TNIK: variants seen among roughly 807,000 people sequenced by gnomAD.
TNIK encodes the protein TRAF2 and NCK-interacting protein kinase.
TNIK carries 49 observed loss-of-function variants against 191.3 expected under a neutral mutation model. The ratio of observed to expected loss-of-function variants is 0.26; its 90% CI spans 0.20 to 0.32. TNIK has a LOEUF of 0.32. Among genes scored for constraint, TNIK ranks in the 10% least tolerant of loss-of-function variants. TNIK has a pLI of 1.00. For synonymous variants in TNIK, 594 were observed against 600.9 expected, an observed-to-expected ratio of 0.99 and a Z score of 0.17; for missense variants, 1,155 against 1,702.3, an observed-to-expected ratio of 0.68 and a Z score of 5.66.
At chr3:171,143,792 G>T (rs957081867) in intron 12 of TNIK, among the ~76,000 whole-genome samples, 1 of 152,196 alleles carries the variant, frequency 6.6e-6, no homozygotes, top group East Asian at 1.9e-4. Context: ...AGAGGGGAGA[G>T]CCCTGCAGAG....
At chr3:171,397,453 T>C (rs1720399147) in intron 1 of TNIK, among the ~76,000 whole-genome samples, 1 of 152,182 alleles carries the variant, frequency 6.6e-6, no homozygotes, top group Non-Finnish European at 1.5e-5. Flanking sequence ...CAGAGAGATG[T>C]AGACTAGGAG....
intron 9 of TNIK, among the ~76,000 whole-genome samples, chr3:171,174,153 G>A (rs987533296): frequency 1.3e-5 from 2 of 152,128 alleles, no homozygotes; most frequent in Admixed American, 6.5e-5. Context: ...CCCTCTTTCT[G>A]TGCAGTGTGC....
intron 2 of TNIK, among the ~76,000 whole-genome samples, chr3:171,297,436 G>A (rs1038104370): frequency 1.3e-5 from 2 of 152,164 alleles, no homozygotes; most frequent in African/African-American, 4.8e-5. Context: ...GAAACTGCTG[G>A]TTTCCCTCAA....
At chr3:171,383,988 C>T (rs1718406770) in intron 1 of TNIK, among the ~76,000 whole-genome samples, 1 of 152,238 alleles carries the variant, frequency 6.6e-6, no homozygotes, top group South Asian at 2.1e-4. Context: ...TCTCCCCAGG[C>T]ATCAGCTACA....
intron 2 of TNIK, among the ~76,000 whole-genome samples, chr3:171,251,316 CT>C (rs1310952904): frequency 6.6e-6 from 1 of 152,172 alleles, no homozygotes; most frequent in Non-Finnish European, 1.5e-5. Flanking sequence ...CAAGAGTCCT[CT>C]GGTGTGTTCT....
At chr3:171,427,874 A>G (rs1724850368) in intron 1 of TNIK, among the ~76,000 whole-genome samples, 1 of 152,122 alleles carries the variant, frequency 6.6e-6, no homozygotes, top group Non-Finnish European at 1.5e-5. Context: ...ACATGTGAAC[A>G]AAGACCCAAA....
intron 2 of TNIK, among the ~76,000 whole-genome samples, chr3:171,268,427 A>G (rs1748662065): frequency 1.3e-5 from 2 of 152,010 alleles, no homozygotes; most frequent in African/African-American, 4.8e-5. Context: ...GTAATTTTCT[A>G]TCCATTGACC....
intron 5 of TNIK, among the ~76,000 whole-genome samples, chr3:171,193,878 G>A (rs899325059): frequency 1.3e-5 from 2 of 152,166 alleles, no homozygotes; most frequent in Non-Finnish European, 2.9e-5. Flanking sequence ...TCTTCTTCCT[G>A]AACTCAGCTC....
rs1730666280 is a variant in TNIK, at chr3:171,140,489, C to G, written c.1242G>C (p.Glu414Asp). The G allele has an allele frequency of 1.2e-6, 2 of 1,613,568 alleles. No individual in the cohort carries two copies. The highest frequency in any genetic ancestry group is 8.5e-7 in the Non-Finnish European group (1 of 1,179,790). ...GCTCCCTCTCCTGCTGCTTCCGCAG[C>G]TCCTTCTCTCGCCTTTGTTGCTGTG... ...RLEEQQRREK[E>D]LRKQQEREQR... Residue 414 changes from glutamate to aspartate, a missense_variant, in exon 13 of 33, where the codon GAG (glutamate) becomes GAC (aspartate). Transcript: ENST00000436636.
chr3:171,265,843 A>G (rs1748325886), intron 2 of TNIK, among the ~76,000 whole-genome samples: 1 of 148,436 alleles, frequency 6.7e-6, no homozygotes, highest in African/African-American at 2.4e-5. Context: ...TGCTTTAAAT[A>G]AGCATTATTT....
intron 1 of TNIK, among the ~76,000 whole-genome samples, chr3:171,376,749 TA>T (rs1577688798): frequency 1.3e-4 from 9 of 68,812 alleles, no homozygotes; most frequent in African/African-American, 3.5e-4. Flanking sequence ...AGATAGATGA[TA>T]GATAGATAGA....
At chr3:171,224,988 T>A (rs1383443546) in intron 3 of TNIK, among the ~76,000 whole-genome samples, 6 of 152,156 alleles carry the variant, frequency 3.9e-5, no homozygotes, top group Non-Finnish European at 7.4e-5. Flanking sequence ...TGATATAGAA[T>A]AAAAACAATA....
chr3:171,375,767 C>G (rs1717124624), intron 1 of TNIK, among the ~76,000 whole-genome samples: 1 of 152,166 alleles, frequency 6.6e-6, no homozygotes, highest in Non-Finnish European at 1.5e-5. Context: ...TCCTTCACAT[C>G]ATAAAAGATG....
chr3:171,203,241 A>G (rs1322275519), intron 4 of TNIK, among the ~76,000 whole-genome samples: 1 of 152,248 alleles, frequency 6.6e-6, no homozygotes, highest in African/African-American at 2.4e-5. Flanking sequence ...AAAATACTGC[A>G]GAATTAGGTT....
At chr3:171,157,824 G>T (rs1193906334) in intron 11 of TNIK, among the ~76,000 whole-genome samples, 160 bp from the exon 12 acceptor site, 1 of 152,132 alleles carries the variant, frequency 6.6e-6, no homozygotes, top group East Asian at 1.9e-4. Flanking sequence ...TCACCCCAAA[G>T]AAACAGCATC....
rs142423575 is a variant in TNIK at position 171,253,092 on chromosome 3, C to T, written c.124-24871G>A. Among the ~76,000 whole-genome samples, 429 of 150,786 alleles carry T rather than the reference C, an allele frequency of 2.8e-3. 4 individuals carry two copies. Among genetic ancestry groups the T allele is most frequent in the African/African-American group, 0.01 (411 of 41,090 alleles). The stretch of plus-strand genomic sequence containing the variant: ...GAGTTCGAGACCATCCTGGCCAACA[C>T]GGTGAAACCTCGTCTTTACTAAAGG... On this transcript the variant is annotated intron_variant, in intron 2 of 32. Transcript: ENST00000436636.
chr3:171,248,700 A>G lies in TNIK; in HGVS notation c.124-20479T>C, dbSNP rs7615447. ...AAAGCAAAACAGACCTGGGTCATAA[A>G]AAGTCCAGGTTGTGAATAATAAGAG... On this transcript the variant is annotated intron_variant, in intron 2 of 32. Transcript: ENST00000436636. 4.0e-3 allele frequency among the ~76,000 whole-genome samples: 604 copies of G among 152,342 alleles called. 6 individuals are homozygous for G. Among genetic ancestry groups the G allele is most frequent in the African/African-American group, 0.014 (586 of 41,570 alleles).
At chr3:171,104,264 A>AAGTT (rs1299807441) in intron 21 of TNIK, among the ~76,000 whole-genome samples, 3 of 152,082 alleles carry the variant, frequency 2.0e-5, no homozygotes, top group Non-Finnish European at 4.4e-5. Flanking sequence ...TATAATAGCA[A>AAGTT]AGTTATAGGA....
chr3:171,452,921 C>T (rs1045870465), intron 1 of TNIK, among the ~76,000 whole-genome samples: 4 of 152,074 alleles, frequency 2.6e-5, no homozygotes, highest in South Asian at 2.1e-4. Flanking sequence ...TTGGTGCCCC[C>T]GGAATTGTAC....
Sources: gnomAD v4.1 joint callset for allele counts (sites outside exome capture counted in the v4.1 genomes callset) on GRCh38, gnomAD v4.1.1 for gene constraint, MANE v1.5 for transcripts, NCBI Gene and HGNC (gene_info 2026-07-23, HGNC 2026-07-21) for gene names.